STAG1: variants seen among roughly 807,000 people sequenced by gnomAD.
STAG1 encodes the protein STAG1 cohesin complex component, also known as cohesin subunit SA-1.
A neutral mutation model predicts 170.9 loss-of-function variants in STAG1; 26 were observed. That is an observed-to-expected ratio of 0.15 (90% CI 0.11 to 0.21). STAG1 has a LOEUF of 0.21. STAG1 is among the 10% of genes least tolerant of loss of function. The pLI, the probability that STAG1 is intolerant of heterozygous loss-of-function variation, is 1.00. For missense variants in STAG1, 964 were observed against 1,509.5 expected, an observed-to-expected ratio of 0.64 and a Z score of 5.99; for synonymous variants, 514 against 497.7, an observed-to-expected ratio of 1.03 and a Z score of -0.44.
At chr3:136,386,059 C>T (rs59455929) in intron 22 of STAG1, among the ~76,000 whole-genome samples, 3,132 of 152,204 alleles carry the variant, frequency 0.021, 103 homozygotes, top group African/African-American at 0.072. Context: ...CAGTCTTGGC[C>T]GGGCGCAGTG....
intron 1 of STAG1, among the ~76,000 whole-genome samples, chr3:136,751,821 A>C (rs1193108074): frequency 6.7e-6 from 1 of 148,732 alleles, no homozygotes; most frequent in East Asian, 2.0e-4. Context: ...GGGGGGGCGG[A>C]GGGCGGGCTT....
intron 4 of STAG1, among the ~76,000 whole-genome samples, chr3:136,573,195 A>T (rs367746755): frequency 1.7e-5 from 1 of 58,626 alleles, no homozygotes; most frequent in Non-Finnish European, 3.5e-5. Context: ...GAAAAGGATT[A>T]AAAAAAAAAA....
intron 7 of STAG1, among the ~76,000 whole-genome samples, chr3:136,517,415 C>T (rs1024865593): frequency 6.6e-6 from 1 of 152,032 alleles, no homozygotes; most frequent in Admixed American, 6.6e-5. Flanking sequence ...AATATTAAAA[C>T]GTTAACCAAC....
At chr3:136,747,093 T>TAAAAAAAAAAAAAAAAA (rs71134408) in intron 1 of STAG1, among the ~76,000 whole-genome samples, 2 of 59,340 alleles carry the variant, frequency 3.4e-5, no homozygotes, top group Admixed American at 2.3e-4. Context: ...TGAAACTGTC[T>TAAAAAAAAAAAAAAAAA]AAAAAAAAAA....
intron 1 of STAG1, among the ~76,000 whole-genome samples, chr3:136,692,496 G>A (rs943156906): frequency 4.6e-5 from 7 of 151,856 alleles, no homozygotes; most frequent in Middle Eastern, 3.2e-3. Flanking sequence ...TTAGCCAGGC[G>A]TGGTAGCAAA....
At chr3:136,702,446 G>A (rs1031372033) in intron 1 of STAG1, among the ~76,000 whole-genome samples, 1 of 152,022 alleles carries the variant, frequency 6.6e-6, no homozygotes, top group Non-Finnish European at 1.5e-5. Context: ...GAGTGCAATG[G>A]CGCGATCTCG....
chr3:136,486,661 T>C (rs1206284662), intron 9 of STAG1, among the ~76,000 whole-genome samples: 2 of 152,146 alleles, frequency 1.3e-5, no homozygotes, highest in Admixed American at 6.5e-5. Context: ...AGCATGCTGA[T>C]TAAAACTTAG....
chr3:136,555,329 T>C (rs956470690), intron 5 of STAG1, among the ~76,000 whole-genome samples: 3 of 151,004 alleles, frequency 2.0e-5, no homozygotes, highest in Non-Finnish European at 4.4e-5. Flanking sequence ...CTGGGAAACA[T>C]AGCGAGTCTC....
At chr3:136,472,379 C>G in intron 12 of STAG1, 34 bp downstream of exon 12, 1 of 1,494,688 alleles carries the variant, frequency 6.7e-7, no homozygotes, top group Non-Finnish European at 9.3e-7. Context: ...ATTAAAATAT[C>G]AATAAAGTTA....
chr3:136,359,270 T>C lies in STAG1; in HGVS notation c.2814A>G (p.Gln938=), dbSNP rs1423231700. ...CAGATGTCCTATCTAGGTTGGGACC[T>C]TGCTCTTGAACAAGTTCATTAAATA... The part of the protein sequence containing the change: ...QQLFNELVQE[Q]GPNLDRTSAH... The change falls in exon 27 of 34, where the codon CAA becomes CAG. Residue 938 remains glutamine, a synonymous_variant. Coordinates refer to ENST00000383202, the MANE Select transcript of STAG1 (RefSeq NM_005862.3). 1 of 1,601,842 alleles carries C rather than the reference T, an allele frequency of 6.2e-7. No homozygotes were observed. Among genetic ancestry groups the C allele is most frequent in the African/African-American group, 1.3e-5 (1 of 74,438 alleles).
intron 22 of STAG1, among the ~76,000 whole-genome samples, chr3:136,379,538 G>A (rs1293001370): frequency 5.3e-5 from 8 of 151,996 alleles, no homozygotes; most frequent in Admixed American, 1.3e-4. Flanking sequence ...ATGAAACCCC[G>A]TCTCTATTAA....
intron 13 of STAG1, among the ~76,000 whole-genome samples, chr3:136,460,239 A>C (rs2089234957): frequency 6.6e-6 from 1 of 152,212 alleles, no homozygotes; most frequent in Non-Finnish European, 1.5e-5. Flanking sequence ...GTATACCAAC[A>C]AAATGTAAAA....
At chr3:136,623,283 A>C in intron 2 of STAG1, 35 bp from the exon 3 acceptor site, 1 of 1,577,710 alleles carries the variant, frequency 6.3e-7, no homozygotes, top group Non-Finnish European at 8.7e-7. Flanking sequence ...CGAACAAATT[A>C]ATAAGTATAA....
At chr3:136,736,711 T>TTC in intron 1 of STAG1, 1 of 1,603,506 alleles carries the variant, frequency 6.2e-7, no homozygotes, top group East Asian at 2.2e-5. Context: ...TCTCTTTGGC[T>TTC]TCTCTCTCTT....
At chr3:136,586,440 C>T (rs899501707) in intron 4 of STAG1, among the ~76,000 whole-genome samples, 3 of 152,224 alleles carry the variant, frequency 2.0e-5, no homozygotes, top group Non-Finnish European at 4.4e-5. Context: ...TTTAAAACCA[C>T]GTGTTTGAAA....
At chr3:136,675,196 C>CA (rs1942094772) in intron 1 of STAG1, among the ~76,000 whole-genome samples, 1 of 152,194 alleles carries the variant, frequency 6.6e-6, no homozygotes, top group South Asian at 2.1e-4. Context: ...ATCTTGTCCC[C>CA]AGTCAACTTC....
chr3:136,681,798 AG>A (rs1206738617), intron 1 of STAG1, among the ~76,000 whole-genome samples: 3 of 152,238 alleles, frequency 2.0e-5, no homozygotes, highest in African/African-American at 7.2e-5. Flanking sequence ...ATCTCAATGC[AG>A]GAAAAAAAAT....
intron 1 of STAG1, among the ~76,000 whole-genome samples, chr3:136,656,820 C>A (rs1364511921): frequency 1.3e-5 from 2 of 151,724 alleles, no homozygotes; most frequent in Non-Finnish European, 2.9e-5. Flanking sequence ...GTAATTTACA[C>A]GTCAAAAAAA....
chr3:136,584,060 C>T (rs142228550), intron 4 of STAG1, among the ~76,000 whole-genome samples: 1 of 152,312 alleles, frequency 6.6e-6, no homozygotes, highest in African/African-American at 2.4e-5. Context: ...CCAATTTATT[C>T]TAAACACCTA....
Sources: gnomAD v4.1 joint callset for allele counts (sites outside exome capture counted in the v4.1 genomes callset) on GRCh38, gnomAD v4.1.1 for gene constraint, MANE v1.5 for transcripts, NCBI Gene and HGNC (gene_info 2026-07-23, HGNC 2026-07-21) for gene names.